The following TRDN variants were observed in gnomAD, a reference collection of about 807,000 sequenced individuals.
The protein encoded by TRDN is triadin in skeletal muscle.
TRDN carries 161 observed loss-of-function variants against 149.7 expected under a neutral mutation model. The observed-to-expected ratio is 1.08, with a 90% confidence interval of 0.95 to 1.23. The LOEUF (loss-of-function observed/expected upper bound fraction) is 1.23, where lower values mean the gene tolerates loss of function less well. TRDN is among the 50% of genes most tolerant of loss of function. The probability of loss-of-function intolerance (pLI) is 0.00; values close to 1 mark genes in which losing one functional copy is unlikely to be tolerated. For missense variants in TRDN, 896 were observed against 823.5 expected, an observed-to-expected ratio of 1.09 and a Z score of -1.08; for synonymous variants, 294 against 250.5, an observed-to-expected ratio of 1.17 and a Z score of -1.64.
intron 9 of TRDN, among the ~76,000 whole-genome samples, chr6:123,479,540 C>T (rs1041266774): frequency 2.0e-5 from 3 of 152,094 alleles, no homozygotes; most frequent in Admixed American, 1.3e-4. Flanking sequence ...AGTGTTTTAG[C>T]GCCAGCAGAG....
chr6:123,266,679 A>ATGTAT (rs1777007912), intron 32 of TRDN, among the ~76,000 whole-genome samples: 2 of 10 alleles, frequency 0.2, 1 homozygote, highest in Admixed American at 1. Context: ...ATATTATAAT[A>ATGTAT]TATATGTAAT....
At chr6:123,389,231 C>G (rs1271478821) in intron 13 of TRDN, among the ~76,000 whole-genome samples, 1 of 152,088 alleles carries the variant, frequency 6.6e-6, no homozygotes, top group African/African-American at 2.4e-5. Context: ...AGGTGCTCAA[C>G]AGGCTTAGAA....
intron 39 of TRDN, among the ~76,000 whole-genome samples, chr6:123,223,553 G>A (rs750487218): frequency 2.0e-4 from 30 of 151,748 alleles, no homozygotes; most frequent in Admixed American, 1.3e-4. Flanking sequence ...TACAGATGGA[G>A]AAATTTTGTC....
At chr6:123,283,780 A>G (rs1447770579) in intron 24 of TRDN, among the ~76,000 whole-genome samples, 1 of 150,468 alleles carries the variant, frequency 6.6e-6, no homozygotes, top group Non-Finnish European at 1.5e-5. Flanking sequence ...CAGATCAATA[A>G]CAAGCAGCGA....
chr6:123,302,438 A>G (rs1398905144), intron 24 of TRDN, among the ~76,000 whole-genome samples: 2 of 152,162 alleles, frequency 1.3e-5, no homozygotes, highest in Non-Finnish European at 2.9e-5. Flanking sequence ...ATAAAGGGAC[A>G]GTTGTCTTCT....
intron 38 of TRDN, among the ~76,000 whole-genome samples, chr6:123,235,039 A>G (rs1051014136): frequency 2.0e-5 from 3 of 152,102 alleles, no homozygotes; most frequent in African/African-American, 7.2e-5. Flanking sequence ...CCCAAAATGG[A>G]TAGAATAGGT....
intron 12 of TRDN, among the ~76,000 whole-genome samples, chr6:123,414,955 C>T (rs1485477122): frequency 1.3e-5 from 2 of 152,034 alleles, no homozygotes; most frequent in East Asian, 1.9e-4. Context: ...AGAAGTAAAA[C>T]TAGATAATAT....
chr6:123,461,870 A>G (rs574771458), intron 10 of TRDN, among the ~76,000 whole-genome samples: 1 of 152,330 alleles, frequency 6.6e-6, no homozygotes, highest in African/African-American at 2.4e-5. Context: ...CACATAAGTC[A>G]GCCCAATTTT....
intron 20 of TRDN, among the ~76,000 whole-genome samples, chr6:123,360,716 AGACG>A (rs942947245): frequency 7.5e-5 from 3 of 39,752 alleles, no homozygotes; most frequent in African/African-American, 5.5e-4. Context: ...AGAGAGAGAG[AGACG>A]GAGAGAGAGA....
intron 1 of TRDN, among the ~76,000 whole-genome samples, chr6:123,580,449 A>G (rs1783067471): frequency 2.0e-5 from 3 of 152,186 alleles, no homozygotes; most frequent in Non-Finnish European, 4.4e-5. Flanking sequence ...TGAGTTACCT[A>G]GAGTTACAAC....
intron 15 of TRDN, 47 bp from the exon 16 acceptor site, chr6:123,381,437 A>G: frequency 6.7e-7 from 1 of 1,503,592 alleles, no homozygotes; most frequent in Non-Finnish European, 9.0e-7. Flanking sequence ...CTTTAAAGAT[A>G]AAACGTACTA....
intron 21 of TRDN, among the ~76,000 whole-genome samples, chr6:123,348,360 A>G (rs931480113): frequency 5.9e-5 from 9 of 152,268 alleles, no homozygotes; most frequent in Admixed American, 5.9e-4. Context: ...ATGAGAATAC[A>G]GTAACAATGC....
intron 37 of TRDN, among the ~76,000 whole-genome samples, chr6:123,253,390 A>G (rs980380532): frequency 6.6e-6 from 1 of 152,122 alleles, no homozygotes; most frequent in Non-Finnish European, 1.5e-5. Context: ...ACATAAACCT[A>G]AAGATTAAAA....
chr6:123,308,154 C>T (rs940244501), intron 24 of TRDN, among the ~76,000 whole-genome samples: 3 of 152,032 alleles, frequency 2.0e-5, no homozygotes, highest in Non-Finnish European at 4.4e-5. Flanking sequence ...AGGATAACGA[C>T]TTCCAGCTGC....
At chr6:123,304,090 G>C (rs984979072) in intron 24 of TRDN, among the ~76,000 whole-genome samples, 1 of 151,774 alleles carries the variant, frequency 6.6e-6, no homozygotes, top group Admixed American at 6.6e-5. Flanking sequence ...CATGAGATAA[G>C]AGCAAAAGAA....
intron 40 of TRDN, among the ~76,000 whole-genome samples, chr6:123,220,681 G>A (rs1415522652): frequency 2.6e-5 from 4 of 151,726 alleles, no homozygotes; most frequent in Non-Finnish European, 5.9e-5. Flanking sequence ...AGAGTAGGAG[G>A]CATTTGCTAT....
At chr6:123,492,620 T>G (rs754205590) in intron 9 of TRDN, among the ~76,000 whole-genome samples, 5 of 152,022 alleles carry the variant, frequency 3.3e-5, no homozygotes, top group Non-Finnish European at 5.9e-5. Context: ...AGTATAGCTG[T>G]CACTTAAGAA....
At chr6:123,621,433 G>C (rs957405711) in intron 1 of TRDN, among the ~76,000 whole-genome samples, 8 of 151,942 alleles carry the variant, frequency 5.3e-5, no homozygotes, top group African/African-American at 1.7e-4. Flanking sequence ...ATAGAACATA[G>C]TGCCATGAAA....
At chr6:123,296,052 G>A (rs1474653800) in intron 24 of TRDN, among the ~76,000 whole-genome samples, 1 of 151,960 alleles carries the variant, frequency 6.6e-6, no homozygotes, top group African/African-American at 2.4e-5. Flanking sequence ...ATTGCTTAAT[G>A]GGGAAATGCA....
Sources: allele counts gnomAD v4.1 joint callset (sites outside exome capture counted in the v4.1 genomes callset), GRCh38; gene constraint gnomAD v4.1.1; transcripts MANE v1.5; gene names NCBI Gene and HGNC (gene_info 2026-07-23, HGNC 2026-07-21).